CCDC149: variants seen among roughly 807,000 people sequenced by gnomAD.
The protein encoded by CCDC149 is coiled-coil domain-containing protein 149.
In CCDC149, 45 loss-of-function variants were observed where a neutral mutation model predicts 59.9. The ratio of observed to expected loss-of-function variants is 0.75; its 90% confidence interval spans 0.59 to 0.96. The LOEUF is 0.96. Among genes scored for constraint, CCDC149 ranks in the 40% least tolerant of loss-of-function variants. The probability of loss-of-function intolerance (pLI) is 0.00; values close to 1 mark genes in which losing one functional copy is unlikely to be tolerated. For missense variants in CCDC149, 584 were observed against 664.7 expected, an observed-to-expected ratio of 0.88 and a Z score of 1.33; for synonymous variants, 245 against 260.6, an observed-to-expected ratio of 0.94 and a Z score of 0.58.
chr4:24,808,514 C>T lies in CCDC149; in HGVS notation c.1498G>A (p.Gly500Arg). The T allele has an allele frequency of 6.5e-7, 1 of 1,532,924 alleles. No individual in the cohort carries two copies. The allele number at this position is 1,532,924 out of a possible 1,614,324, so 95.0% of individuals were successfully genotyped here. A position where few individuals can be genotyped will look rare whatever the true frequency, so the allele number is the denominator to read the frequency against. The change falls in exon 13 of 13, where the codon GGG becomes AGG. Residue 500 changes from glycine (G) to arginine (R), a missense_variant. Coordinates refer to ENST00000635206, the MANE Select transcript of CCDC149 (RefSeq NM_001330643.2). ...TCCAGGTGAGATTTAGGGAGCTCCC[C>T]CTGGATGGCCAGGCCTGGCGGGGCT...
At chr4:24,958,850 G>T (rs1723549785) in intron 1 of CCDC149, among the ~76,000 whole-genome samples, 1 of 152,012 alleles carries the variant, frequency 6.6e-6, no homozygotes, top group African/African-American at 2.4e-5. Context: ...TGGCCAACAT[G>T]GCGAAAACCT....
intron 1 of CCDC149, among the ~76,000 whole-genome samples, chr4:24,941,972 TAGG>T (rs1722967998): frequency 1.3e-5 from 2 of 151,228 alleles, no homozygotes; most frequent in South Asian, 4.2e-4. Context: ...GAGGTACAAG[TAGG>T]AGCTGGTACC....
At chr4:24,849,379 C>G (rs1918330) in intron 4 of CCDC149, among the ~76,000 whole-genome samples, 7 of 152,188 alleles carry the variant, frequency 4.6e-5, no homozygotes, top group African/African-American at 1.7e-4. Flanking sequence ...CAGTAGGTTT[C>G]CCTTTTCACA....
chr4:24,905,410 CGTGCGTGT>C (rs1467193985), intron 1 of CCDC149, among the ~76,000 whole-genome samples: 1,146 of 93,804 alleles, frequency 0.012, 22 homozygotes, highest in African/African-American at 0.032. Context: ...TTTTTGCGTG[CGTGCGTGT>C]GTGTGTGTGT....
intron 1 of CCDC149, among the ~76,000 whole-genome samples, chr4:24,979,888 A>G (rs1198078985): frequency 6.6e-6 from 1 of 152,140 alleles, no homozygotes; most frequent in Non-Finnish European, 1.5e-5. Flanking sequence ...AACTGAATCC[A>G]CCCGAGAATC....
intron 1 of CCDC149, among the ~76,000 whole-genome samples, chr4:24,880,010 T>C (rs1021379993): frequency 6.6e-6 from 1 of 152,228 alleles, no homozygotes; most frequent in Non-Finnish European, 1.5e-5. Context: ...GGTGAGTGTC[T>C]GTGCCATCTT....
chr4:24,837,204 A>C lies in CCDC149; in HGVS notation c.662+24T>G. 15 of 1,610,090 alleles carry C rather than the reference A, an allele frequency of 9.3e-6. No individual in the cohort carries two copies. The highest frequency in any genetic ancestry group is 1.3e-5 in the Non-Finnish European group (15 of 1,177,190). On this transcript the variant is annotated intron_variant, in intron 6 of 12. Transcript: ENST00000635206. This position sits in a 1 kb window ranked among gnomAD's most constrained non-coding sequence, Gnocchi z 4.3. ...TGCAGAGCCAGCCTTCCTCCCACGC[A>C]CAGGCCTGGGCCTGGCCACTTGCCT...
intron 1 of CCDC149, among the ~76,000 whole-genome samples, chr4:24,893,074 T>C (rs754655998): frequency 2.2e-4 from 34 of 152,186 alleles, no homozygotes; most frequent in Non-Finnish European, 7.4e-5. Flanking sequence ...TAATGACCTC[T>C]TGAATGTGCC....
intron 1 of CCDC149, among the ~76,000 whole-genome samples, chr4:24,879,615 G>A (rs766907176): frequency 1.2e-4 from 18 of 151,682 alleles, no homozygotes; most frequent in African/African-American, 7.3e-5. Flanking sequence ...AACTCGGGAG[G>A]CGGAGGTTGC....
At chr4:24,892,672 G>T (rs1720597694) in intron 1 of CCDC149, among the ~76,000 whole-genome samples, 1 of 152,136 alleles carries the variant, frequency 6.6e-6, no homozygotes. Context: ...GTACTATGAG[G>T]ATCCCCTATA....
intron 9 of CCDC149, chr4:24,830,777 G>A (rs960769764): frequency 2.6e-5 from 4 of 152,214 alleles, no homozygotes; most frequent in African/African-American, 9.7e-5. Flanking sequence ...CAATGACTAA[G>A]AATTCCAAGA....
At chr4:24,905,352 T>G (rs1220529853) in intron 1 of CCDC149, among the ~76,000 whole-genome samples, 1 of 152,074 alleles carries the variant, frequency 6.6e-6, no homozygotes, top group African/African-American at 2.4e-5. Context: ...ACCTACTCAT[T>G]TTTTTCTTGA....
intron 1 of CCDC149, among the ~76,000 whole-genome samples, chr4:24,956,769 G>T (rs776081372): frequency 6.6e-6 from 1 of 152,142 alleles, no homozygotes; most frequent in Admixed American, 6.5e-5. Flanking sequence ...ATTTTGAATC[G>T]CCTACCACTA....
chr4:24,879,035 G>C (rs995105756), intron 1 of CCDC149, among the ~76,000 whole-genome samples: 2 of 152,218 alleles, frequency 1.3e-5, no homozygotes, highest in African/African-American at 2.4e-5. Flanking sequence ...GATTTGAAGA[G>C]CAGAAGCTCT....
chr4:24,912,393 T>C (rs1721926441), intron 1 of CCDC149, among the ~76,000 whole-genome samples: 1 of 152,118 alleles, frequency 6.6e-6, no homozygotes, highest in Non-Finnish European at 1.5e-5. Context: ...TAATTCCACC[T>C]GGCCCAGGTT....
At chr4:24,815,804 T>C (rs1306963436) in intron 12 of CCDC149, among the ~76,000 whole-genome samples, 1 of 152,184 alleles carries the variant, frequency 6.6e-6, no homozygotes, top group Non-Finnish European at 1.5e-5. Flanking sequence ...GGGAAACCTC[T>C]GAGATTAGCA....
At chr4:24,932,103 A>T (rs1722612647) in intron 1 of CCDC149, among the ~76,000 whole-genome samples, 1 of 151,912 alleles carries the variant, frequency 6.6e-6, no homozygotes. Context: ...TGCTTGCTCT[A>T]AACTATTATA....
intron 3 of CCDC149, among the ~76,000 whole-genome samples, chr4:24,858,124 C>A (rs1415087167): frequency 2.0e-5 from 3 of 152,188 alleles, no homozygotes; most frequent in Non-Finnish European, 4.4e-5. Flanking sequence ...ATGACTCACA[C>A]ACATTCACTA....
intron 1 of CCDC149, chr4:24,895,108 A>C (rs945442480): frequency 9.4e-7 from 1 of 1,060,868 alleles, no homozygotes; most frequent in Admixed American, 2.0e-5. Flanking sequence ...CTTATGAATA[A>C]GTAGTGCTGA....
Sources: allele counts gnomAD v4.1 joint callset (sites outside exome capture counted in the v4.1 genomes callset), GRCh38; gene constraint gnomAD v4.1.1; non-coding constraint Gnocchi (gnomAD v3.1); transcripts MANE v1.5; gene names NCBI Gene and HGNC (gene_info 2026-07-23, HGNC 2026-07-21).